The following TLL2 variants were observed in gnomAD, a reference collection of about 807,000 sequenced individuals.
TLL2 encodes tolloid-like protein 2.
TLL2 carries 106 observed loss-of-function variants against 123.0 expected under a neutral mutation model. That is an observed-to-expected ratio of 0.86 (90% CI 0.74 to 1.01). The LOEUF is 1.01. Among genes scored for constraint, TLL2 ranks in the 50% least tolerant of loss-of-function variants. The pLI is 0.00. For missense variants in TLL2, 1,332 were observed against 1,336.7 expected, an observed-to-expected ratio of 1.00 and a Z score of 0.06; for synonymous variants, 494 against 516.8, an observed-to-expected ratio of 0.96 and a Z score of 0.60.
intron 16 of TLL2, among the ~76,000 whole-genome samples, chr10:96,382,251 G>A (rs56094817): frequency 0.1 from 15,981 of 152,210 alleles, 907 homozygotes; most frequent in South Asian, 0.15. Context: ...GGATGGTCTC[G>A]ATCTCTTGAC....
chr10:96,476,232 A>T (rs1181399214), intron 2 of TLL2, among the ~76,000 whole-genome samples: 1 of 21,510 alleles, frequency 4.6e-5, no homozygotes, highest in Non-Finnish European at 1.0e-4. Flanking sequence ...GTATATATAT[A>T]TATATATATT....
chr10:96,408,588 T>C (rs564168254), intron 9 of TLL2, among the ~76,000 whole-genome samples: 29 of 152,286 alleles, frequency 1.9e-4, no homozygotes, highest in Non-Finnish European at 3.8e-4. Flanking sequence ...CCTGTTAGCC[T>C]CCAGCAGGCA....
At chr10:96,498,928 G>A (rs752900572) in intron 1 of TLL2, among the ~76,000 whole-genome samples, 1 of 152,138 alleles carries the variant, frequency 6.6e-6, no homozygotes, top group Non-Finnish European at 1.5e-5. Flanking sequence ...AGATTTTGAT[G>A]TGAGAAAAAA....
At chr10:96,507,135 C>G (rs112867112) in intron 1 of TLL2, among the ~76,000 whole-genome samples, 76 of 152,152 alleles carry the variant, frequency 5.0e-4, no homozygotes, top group African/African-American at 1.8e-3. Flanking sequence ...TTCCCAGACT[C>G]TGGCACCCCA....
intron 1 of TLL2, among the ~76,000 whole-genome samples, chr10:96,488,694 C>T (rs902923125): frequency 8.5e-5 from 13 of 152,138 alleles, no homozygotes; most frequent in South Asian, 4.1e-4. Context: ...AAGCCACCAC[C>T]GCCTTCCATA....
chr10:96,376,185 A>G (rs1185801865), intron 18 of TLL2, among the ~76,000 whole-genome samples: 1 of 152,272 alleles, frequency 6.6e-6, no homozygotes, highest in African/African-American at 2.4e-5. Context: ...AATTTGAGTA[A>G]CAAAAACATA....
chr10:96,450,629 G>C (rs1846948685), intron 2 of TLL2, among the ~76,000 whole-genome samples: 1 of 152,164 alleles, frequency 6.6e-6, no homozygotes, highest in Non-Finnish European at 1.5e-5. Context: ...ACTAGCAAAA[G>C]CCATGTCTCA....
intron 1 of TLL2, among the ~76,000 whole-genome samples, chr10:96,496,631 G>A (rs562924860): frequency 6.6e-6 from 1 of 152,326 alleles, no homozygotes; most frequent in South Asian, 2.1e-4. Flanking sequence ...TCATAATATG[G>A]TTGCATCAAT....
rs77489962 is a variant in TLL2, at chr10:96,513,493, C to T, written c.175+18G>A. 1.2e-6 allele frequency: 2 copies of T among 1,611,814 alleles called. No homozygotes were observed. Among genetic ancestry groups the T allele is most frequent in the Non-Finnish European group, 8.5e-7 (1 of 1,179,468 alleles). ...CAAAGGCAAACTTCTGCGGGACTTCCCCAGCGGCGGCACCTACCGGCTTTG... is the reference window on the plus strand; with the variant it reads ...CAAAGGCAAACTTCTGCGGGACTTCTCCAGCGGCGGCACCTACCGGCTTTG... On this transcript the variant is annotated intron_variant, in intron 1 of 20. Coordinates refer to ENST00000357947, the MANE Select transcript of TLL2 (RefSeq NM_012465.4).
At chr10:96,422,003 C>T (rs1846629054) in intron 6 of TLL2, among the ~76,000 whole-genome samples, 1 of 152,204 alleles carries the variant, frequency 6.6e-6, no homozygotes, top group Non-Finnish European at 1.5e-5. Flanking sequence ...AGCTACTTTT[C>T]ATGCTCAATA....
Position 96,383,227 on chromosome 10 carries a change from A to G in TLL2, c.2194+1360T>C, listed in dbSNP as rs936720170. 2.6e-5 allele frequency among the ~76,000 whole-genome samples: 4 copies of G among 152,210 alleles called. 1 individual carries two copies. The highest frequency in any genetic ancestry group is 5.9e-5 in the Non-Finnish European group (4 of 68,032). On this transcript the variant is annotated intron_variant, in intron 16 of 20. Transcript: ENST00000357947. ...GCTGCTGTACTGGCCCTGAGGGTTC[A>G]TGGCCTTCAGTTTGAGAAGTAGGGT...
At chr10:96,433,620 G>A (rs569404231) in intron 3 of TLL2, among the ~76,000 whole-genome samples, 6 of 152,102 alleles carry the variant, frequency 3.9e-5, no homozygotes, top group Admixed American at 2.6e-4. Context: ...CACTGAATCC[G>A]CATGCATTTC....
chr10:96,420,900 C>T (rs967506654), intron 7 of TLL2, 56 bp downstream of exon 7: 1 of 1,544,728 alleles, frequency 6.5e-7, no homozygotes, highest in Admixed American at 1.7e-5. Context: ...GGAATCCAAC[C>T]CAAGCCTGCC....
chr10:96,477,039 T>A (rs1847265562), intron 2 of TLL2, among the ~76,000 whole-genome samples: 1 of 148,046 alleles, frequency 6.8e-6, no homozygotes, highest in African/African-American at 2.5e-5. Context: ...GGACTTTTTT[T>A]TTTTTTTTTT....
chr10:96,392,170 C>T (rs1377287653), intron 13 of TLL2, among the ~76,000 whole-genome samples: 9 of 152,122 alleles, frequency 5.9e-5, no homozygotes, highest in South Asian at 2.1e-4. Flanking sequence ...GAGAAGGTGG[C>T]GTCTTCTAAC....
chr10:96,497,147 C>T (rs944887962), intron 1 of TLL2, among the ~76,000 whole-genome samples: 5 of 151,644 alleles, frequency 3.3e-5, no homozygotes, highest in African/African-American at 9.7e-5. Flanking sequence ...AAAATTAGCC[C>T]AGCGTTGTGG....
chr10:96,467,042 G>A (rs1847138641), intron 2 of TLL2, among the ~76,000 whole-genome samples: 1 of 152,174 alleles, frequency 6.6e-6, no homozygotes, highest in African/African-American at 2.4e-5. Context: ...TGCCCAGTAA[G>A]AACATGTTTG....
intron 2 of TLL2, among the ~76,000 whole-genome samples, chr10:96,471,011 G>T (rs1367926349): frequency 6.6e-6 from 1 of 151,514 alleles, no homozygotes; most frequent in African/African-American, 2.4e-5. Flanking sequence ...CTTTTTTTTT[G>T]AGGGGGGAGA....
chr10:96,443,654 A>G (rs967916758), intron 3 of TLL2, among the ~76,000 whole-genome samples: 1 of 152,330 alleles, frequency 6.6e-6, no homozygotes, highest in South Asian at 2.1e-4. Flanking sequence ...TAAATCACAT[A>G]AATAAGGAAG....
Sources: gnomAD v4.1 joint callset for allele counts (sites outside exome capture counted in the v4.1 genomes callset) on GRCh38, gnomAD v4.1.1 for gene constraint, MANE v1.5 for transcripts, NCBI Gene and HGNC (gene_info 2026-07-23, HGNC 2026-07-21) for gene names.